ESPNL: variants seen among roughly 807,000 people sequenced by gnomAD.
ESPNL encodes espin like, also known as espin-like protein.
A neutral mutation model predicts 46.8 loss-of-function variants in ESPNL; 49 were observed. The ratio of observed to expected loss-of-function variants is 1.05; its 90% CI spans 0.83 to 1.33. The LOEUF (loss-of-function observed/expected upper bound fraction) is 1.33, where lower values mean the gene tolerates loss of function less well. Ranked by LOEUF, ESPNL falls within the 40% of genes most tolerant of loss-of-function variation. The probability of loss-of-function intolerance (pLI) is 0.00; values close to 1 mark genes in which losing one functional copy is unlikely to be tolerated. For synonymous variants in ESPNL, 664 were observed against 662.1 expected, an observed-to-expected ratio of 1.00 and a Z score of -0.04; for missense variants, 1,540 against 1,436.6, an observed-to-expected ratio of 1.07 and a Z score of -1.16.
intron 3 of ESPNL, among the ~76,000 whole-genome samples, chr2:238,107,405 C>T (rs1283721944): frequency 6.6e-6 from 1 of 152,216 alleles, no homozygotes; most frequent in Non-Finnish European, 1.5e-5. Context: ...AACGAGGCAG[C>T]GCCACCCTCG....
chr2:238,127,444 C>G (rs1463378635), intron 6 of ESPNL, 178 bp from the exon 7 acceptor site: 1 of 1,375,284 alleles, frequency 7.3e-7, no homozygotes, highest in Non-Finnish European at 9.4e-7. Context: ...CCACTGACTC[C>G]CCAGAGAAGG....
intron 4 of ESPNL, among the ~76,000 whole-genome samples, chr2:238,113,699 A>G (rs183128352): frequency 1.3e-5 from 2 of 152,250 alleles, no homozygotes; most frequent in African/African-American, 4.8e-5. Context: ...CGTGACAGGA[A>G]CCAGGGGCCT....
At chr2:238,126,336 G>T (rs1313909868) in intron 6 of ESPNL, among the ~76,000 whole-genome samples, 1 of 135,644 alleles carries the variant, frequency 7.4e-6, no homozygotes, top group Non-Finnish European at 1.5e-5. Context: ...CTGTGTGTCT[G>T]TATGTGATTG....
rs779266783 is a variant in ESPNL at position 238,131,449 on chromosome 2, G to T, written c.2735G>T (p.Arg912Leu). 2.5e-6 allele frequency: 4 copies of T among 1,609,948 alleles called. No homozygotes were observed. Among genetic ancestry groups the T allele is most frequent in the Non-Finnish European group, 3.4e-6 (4 of 1,178,436 alleles). Residue 912 changes from arginine to leucine, a missense_variant, in exon 9 of 9, where the codon CGC becomes CTC. Transcript: ENST00000343063. Reference protein sequence around the residue: ...KAVTDEVAAGRRAWTDGFEDI... With the variant: ...KAVTDEVAAGLRAWTDGFEDI... Reference sequence around the variant, plus strand: ...GTGACCGACGAGGTGGCCGCCGGCCGCCGGGCCTGGACCGACGGCTTCGAG... The same window carrying T: ...GTGACCGACGAGGTGGCCGCCGGCCTCCGGGCCTGGACCGACGGCTTCGAG...
At chr2:238,103,857 T>G (rs1205683018) in intron 2 of ESPNL, among the ~76,000 whole-genome samples, 1 of 152,102 alleles carries the variant, frequency 6.6e-6, no homozygotes, top group East Asian at 1.9e-4. Context: ...GTGTCCCCCT[T>G]GCTAGGAGCA....
intron 3 of ESPNL, among the ~76,000 whole-genome samples, chr2:238,106,675 G>C (rs1205013994): frequency 6.6e-6 from 1 of 152,198 alleles, no homozygotes; most frequent in East Asian, 1.9e-4. Flanking sequence ...TGGGATGAGC[G>C]GCGGCTGCAC....
chr2:238,108,026 C>A, intron 4 of ESPNL, 53 bp downstream of exon 4: 1 of 1,529,664 alleles, frequency 6.5e-7, no homozygotes, highest in Non-Finnish European at 8.9e-7. Flanking sequence ...CCAGCCATGC[C>A]CAGTGCTGTG....
intron 4 of ESPNL, 117 bp from the exon 5 acceptor site, chr2:238,116,786 G>T: frequency 7.5e-7 from 1 of 1,334,752 alleles, no homozygotes; most frequent in Non-Finnish European, 1.0e-6. Flanking sequence ...TGCCCCTGCT[G>T]GGAAGGGCAT....
At position 238,130,705 on chromosome 2, in the gene ESPNL, G is replaced by A. The variant is rs1296898653; in HGVS notation, c.1991G>A (p.Gly664Asp). 2 of 1,566,296 alleles carry A rather than the reference G, an allele frequency of 1.3e-6. No homozygotes were observed. Among genetic ancestry groups the A allele is most frequent in the Non-Finnish European group, 8.6e-7 (1 of 1,157,788 alleles). ...CGGGGCAACTTCGAGTCGGCCTCTG[G>A]CCCACTCTGTGGCTTCAACCCTGGC... is the stretch of plus-strand genomic sequence containing the variant. The part of the protein sequence containing the change: ...TLRGNFESAS[G>D]PLCGFNPGPC... The change falls in exon 9 of 9, where the codon GGC (glycine) becomes GAC (aspartate). Residue 664 changes from glycine to aspartate, a missense_variant. By Grantham distance (94) the Gly-to-Asp change is moderately conservative. Transcript: ENST00000343063.
rs1314871810 is a variant in ESPNL, at chr2:238,128,880, C to T, written c.1389C>T (p.Gly463=). The change falls in exon 8 of 9, where the codon GGC becomes GGT. Residue 463 remains glycine (G), a synonymous_variant. Transcript: ENST00000343063. ...TGCGGAAGCTGCAGGCGCGCCTGGG[C>T]GCAGAGAGCTCCGCAGAGGCCCAGG... is the stretch of plus-strand genomic sequence containing the variant. ...VMVRKLQARL[G]AESSAEAQDN... The T allele has an allele frequency of 5.9e-5, 91 of 1,544,018 alleles. No homozygotes were observed. Among genetic ancestry groups the T allele is most frequent in the Non-Finnish European group, 7.4e-5 (85 of 1,146,390 alleles).
chr2:238,124,440 T>C lies in ESPNL; in HGVS notation c.988-830T>C, dbSNP rs374614683. Among the ~76,000 whole-genome samples, 28 of 152,286 alleles carry C rather than the reference T, an allele frequency of 1.8e-4. No homozygotes were observed. The South Asian group carries it at 5.8e-3, about 32-fold the overall frequency. Reference sequence around the variant, plus strand: ...TCCCTCTCCTCACCAGGTTTCTCACTTGGCCATCCACCCCCAAGACACTGA... The same window carrying C: ...TCCCTCTCCTCACCAGGTTTCTCACCTGGCCATCCACCCCCAAGACACTGA... On this transcript the variant is annotated intron_variant, in intron 5 of 8. Transcript: ENST00000343063.
chr2:238,126,806 G>A (rs1483845096), intron 6 of ESPNL, among the ~76,000 whole-genome samples: 2 of 150,566 alleles, frequency 1.3e-5, no homozygotes, highest in East Asian at 4.0e-4. Flanking sequence ...GTGTATGTCT[G>A]TTCTGTGTCT....
intron 5 of ESPNL, among the ~76,000 whole-genome samples, chr2:238,121,564 A>G (rs1691987688): frequency 6.6e-6 from 1 of 152,102 alleles, no homozygotes; most frequent in Admixed American, 6.5e-5. Flanking sequence ...CACCCAGCTA[A>G]TTTTTGTATT....
chr2:238,104,555 A>T (rs1401283954), intron 2 of ESPNL, 101 bp from the exon 3 acceptor site: 15 of 1,301,222 alleles, frequency 1.2e-5, no homozygotes, highest in Non-Finnish European at 1.5e-5. Context: ...AAACTCAGTC[A>T]TCACGGGCAG....
chr2:238,129,072 C>T, intron 8 of ESPNL, 168 bp downstream of exon 8: 1 of 1,429,606 alleles, frequency 7.0e-7, no homozygotes, highest in South Asian at 1.5e-5. Context: ...TGAACCTGAC[C>T]AGAGGACTCT....
At chr2:238,110,946 A>AT (rs1288363059) in intron 4 of ESPNL, among the ~76,000 whole-genome samples, 1 of 101,556 alleles carries the variant, frequency 9.8e-6, no homozygotes, top group African/African-American at 3.2e-5. Flanking sequence ...CACATTAGTT[A>AT]TTCTTTTTTT....
chr2:238,124,333 C>T (rs1692050364), intron 5 of ESPNL, among the ~76,000 whole-genome samples: 2 of 152,316 alleles, frequency 1.3e-5, no homozygotes, highest in Admixed American at 6.5e-5. Context: ...CGGTGGCATG[C>T]GGCCCTGCTG....
At chr2:238,111,028 C>T (rs974636363) in intron 4 of ESPNL, among the ~76,000 whole-genome samples, 4 of 142,326 alleles carry the variant, frequency 2.8e-5, no homozygotes, top group Non-Finnish European at 4.5e-5. Flanking sequence ...TCTCTGCTCA[C>T]TGCAACCTCT....
rs1354178908 is a variant in ESPNL, at chr2:238,100,705, G to A, written c.286G>A (p.Gly96Ser). Reference protein sequence around the residue: ...LCWLVREGGCGLQDQDASGVS... With the variant: ...LCWLVREGGCSLQDQDASGVS... ...CTGGCTGGTCCGCGAGGGGGGCTGC[G>A]GTCTGCAGGTGAGCGGGGATGGGGC... Residue 96 changes from glycine (G) to serine (S), a missense_variant, in exon 1 of 9, where the codon GGT becomes AGT. Physicochemically the swap from Gly to Ser is moderately conservative, Grantham distance 56. Transcript: ENST00000343063. 8.5e-6 allele frequency: 12 copies of A among 1,419,404 alleles called. No individual in the cohort carries two copies. The highest frequency in any genetic ancestry group is 6.0e-5 in the African/African-American group (4 of 66,248). 87.9% of individuals were successfully genotyped at this position (1,419,404 alleles called of 1,614,324 possible).
Sources: gnomAD v4.1 joint callset for allele counts (sites outside exome capture counted in the v4.1 genomes callset) on GRCh38, gnomAD v4.1.1 for gene constraint, MANE v1.5 for transcripts, NCBI Gene and HGNC (gene_info 2026-07-23, HGNC 2026-07-21) for gene names.